Variants in PIK3R6 observed in about 807,000 individuals in gnomAD.
The protein encoded by PIK3R6 is phosphoinositide 3-kinase regulatory subunit 6.
In PIK3R6, 91 loss-of-function variants were observed where a neutral mutation model predicts 84.9. The observed-to-expected ratio is 1.07, with a 90% CI of 0.90 to 1.28. PIK3R6 has a LOEUF of 1.28. Among genes scored for constraint, PIK3R6 ranks in the 50% most tolerant of loss-of-function variants. The probability of loss-of-function intolerance (pLI) is 0.00; values close to 1 mark genes in which losing one functional copy is unlikely to be tolerated. For synonymous variants in PIK3R6, 416 were observed against 411.4 expected (o/e 1.01, Z -0.13); for missense variants, 996 against 985.1 (o/e 1.01, Z -0.15).
At chr17:8,806,729 C>T (rs529748894) in intron 18 of PIK3R6, among the ~76,000 whole-genome samples, 3 of 152,310 alleles carry the variant, frequency 2.0e-5, no homozygotes, top group Admixed American at 6.5e-5. Context: ...CTTTATTTCC[C>T]ACTTCTGTTC....
chr17:8,834,272 G>GT (rs1183886239), intron 8 of PIK3R6, among the ~76,000 whole-genome samples: 1 of 152,010 alleles, frequency 6.6e-6, no homozygotes, highest in East Asian at 1.9e-4. Context: ...GCATGTGCAT[G>GT]TTGGGAGACA....
intron 1 of PIK3R6, among the ~76,000 whole-genome samples, chr17:8,856,585 G>C (rs1373321795): frequency 6.6e-6 from 1 of 152,188 alleles, no homozygotes; most frequent in Non-Finnish European, 1.5e-5. Flanking sequence ...CTGGGTGAAA[G>C]AGTGAAACTC....
At position 8,858,923 on chromosome 17, in the gene PIK3R6, G is replaced by C. The variant is rs754217603; in HGVS notation, c.-92+8606C>G. ...TTGCTGTAATTTGTCTACTCAGAGG[G>C]GTGCCTCTTTCTGATTTGAACAAAG... On this transcript the variant is annotated intron_variant, in intron 1 of 19. Coordinates refer to ENST00000619866, the MANE Select transcript of PIK3R6 (RefSeq NM_001010855.4). Among the ~76,000 whole-genome samples the C allele has an allele frequency of 6.2e-4, 95 of 152,182 alleles. 2 individuals carry two copies. The highest frequency in any genetic ancestry group is 1.8e-4 in the Non-Finnish European group (12 of 68,044).
intron 18 of PIK3R6, among the ~76,000 whole-genome samples, chr17:8,814,461 G>T (rs558179438): frequency 6.6e-6 from 1 of 151,820 alleles, no homozygotes; most frequent in Admixed American, 6.6e-5. Flanking sequence ...CTCGTGATCC[G>T]CCCTCCTCTG....
At chr17:8,837,752 C>T in intron 5 of PIK3R6, 51 bp downstream of exon 5, 1 of 1,505,012 alleles carries the variant, frequency 6.6e-7, no homozygotes. Flanking sequence ...AGTGTCCAGC[C>T]CAGCCACATG....
At chr17:8,853,498 AATAAT>A (rs2089037187) in intron 1 of PIK3R6, among the ~76,000 whole-genome samples, 1 of 137,340 alleles carries the variant, frequency 7.3e-6, no homozygotes, top group Non-Finnish European at 1.6e-5. Context: ...AAAAAAAAAA[AATAAT>A]AATAATAATA....
chr17:8,863,408 A>G (rs2089326178), intron 1 of PIK3R6, among the ~76,000 whole-genome samples: 1 of 152,152 alleles, frequency 6.6e-6, no homozygotes, highest in Non-Finnish European at 1.5e-5. Context: ...GAAATATACA[A>G]TACACCATTA....
chr17:8,822,428 C>T (rs1385870141), intron 16 of PIK3R6, among the ~76,000 whole-genome samples, 159 bp downstream of exon 16: 1 of 152,168 alleles, frequency 6.6e-6, no homozygotes, highest in Non-Finnish European at 1.5e-5. Flanking sequence ...CCCACCCATC[C>T]CTGCAAAACT....
intron 4 of PIK3R6, 91 bp from the exon 5 acceptor site, chr17:8,837,962 A>G: frequency 8.8e-7 from 1 of 1,140,656 alleles, no homozygotes; most frequent in East Asian, 2.4e-5. Flanking sequence ...TGGGCAGGAG[A>G]TGGGGTGGAA....
At position 8,812,195 on chromosome 17, in the gene PIK3R6, C is replaced by T. The variant is rs111680804; in HGVS notation, c.1995+6888G>A. Among the ~76,000 whole-genome samples, 219 of 152,264 alleles carry T rather than the reference C, an allele frequency of 1.4e-3. 2 individuals carry two copies. The highest frequency in any genetic ancestry group is 5.0e-3 in the African/African-American group (209 of 41,550). ...AAGAACAGCACAGGAAAGACCTACC[C>T]CCATGATTCAATTACCTCCAACTGG... On this transcript the variant is annotated intron_variant, in intron 18 of 19. Coordinates refer to ENST00000619866, the MANE Select transcript of PIK3R6 (RefSeq NM_001010855.4).
intron 2 of PIK3R6, among the ~76,000 whole-genome samples, chr17:8,843,928 C>G (rs1337894630): frequency 3.9e-5 from 6 of 152,046 alleles, no homozygotes; most frequent in Admixed American, 2.0e-4. Context: ...GCCAATCAAG[C>G]TGGATTGTCT....
intron 17 of PIK3R6, among the ~76,000 whole-genome samples, chr17:8,819,586 A>G (rs867108332): frequency 1.3e-5 from 2 of 151,622 alleles, no homozygotes; most frequent in Non-Finnish European, 2.9e-5. Flanking sequence ...TGTGCAGGAC[A>G]GAGGCTCCAA....
In PIK3R6 at chr17:8,839,143, T is replaced by C. The variant is rs1464189463; in HGVS notation, c.97+471A>G. Among the ~76,000 whole-genome samples, 1 of 151,402 alleles carries C rather than the reference T, an allele frequency of 6.6e-6. No individual in the cohort carries two copies. Among genetic ancestry groups the C allele is most frequent in the Non-Finnish European group, 1.5e-5 (1 of 67,842 alleles). ...CAGGCGGGTCACTTGCGGTCAGGAG[T>C]TCGAGACCAACCTGGCCAACATGGT... On this transcript the variant is annotated intron_variant, in intron 3 of 19. Transcript: ENST00000619866. The surrounding 1 kb of genome is among the most constrained non-coding windows in gnomAD (Gnocchi z 4.2).
Position 8,838,653 on chromosome 17 carries a change from T to G in PIK3R6, c.100A>C (p.Met34Leu), listed in dbSNP as rs777558422. 12 of 1,597,616 alleles carry G rather than the reference T, an allele frequency of 7.5e-6. No individual in the cohort carries two copies. The highest frequency in any genetic ancestry group is 6.9e-5 in the Admixed American group (4 of 57,654). ...TTCTTGTGCAGGGACCACCTCCACA[T>G]GCCTGGGCCAGGAGAAAGGGGAGCC... ...QAPALQSNQG[M>L]WRWSLHKKVE... Residue 34 changes from methionine to leucine, a missense_variant and splice_region_variant, in exon 4 of 20, where the codon ATG becomes CTG. Met to Leu is a conservative substitution (Grantham distance 15). Transcript: ENST00000619866.
chr17:8,820,369 G>A (rs745998218), intron 17 of PIK3R6, among the ~76,000 whole-genome samples: 6 of 151,572 alleles, frequency 4.0e-5, no homozygotes, highest in Admixed American at 6.6e-5. Flanking sequence ...AACATTTATC[G>A]TTTACTCTAT....
rs769593463 is a variant in PIK3R6, at chr17:8,804,109, G to T, written c.2040C>A (p.Ser680Arg). The change falls in exon 19 of 20, where the codon AGC becomes AGA. Residue 680 changes from serine (S) to arginine (R), a missense_variant. Physicochemically the swap from Ser to Arg is moderately radical, Grantham distance 110 (BLOSUM62 -1). Transcript: ENST00000619866. ...ACAGTGTCAGCAGCCTCTGGTCCCG[G>T]CTCTGGATCTGGATATTGTTCGTCC... ...TFRTNNIQIQSRDQRLLTLSL... is the reference protein window; with the variant it reads ...TFRTNNIQIQRRDQRLLTLSL... The T allele has an allele frequency of 2.5e-5, 40 of 1,613,874 alleles. No homozygotes were observed. Among genetic ancestry groups the T allele is most frequent in the Non-Finnish European group, 3.3e-5 (39 of 1,179,884 alleles).
rs1266122930 is a variant in PIK3R6 at position 8,844,887 on chromosome 17, A to G, written c.13+4895T>C. On this transcript the variant is annotated intron_variant, in intron 2 of 19. Transcript: ENST00000619866. This position sits in a 1 kb window ranked among gnomAD's most constrained non-coding sequence, Gnocchi z 4.5. ...CCATCTTTGTGTCCATGAGTACCCAAAGTTTAGCTCCCACCTATAAGTGAG... is the reference window on the plus strand; with the variant it reads ...CCATCTTTGTGTCCATGAGTACCCAGAGTTTAGCTCCCACCTATAAGTGAG... 2.6e-5 allele frequency among the ~76,000 whole-genome samples: 4 copies of G among 152,142 alleles called. No homozygotes were observed. In the East Asian group the frequency reaches 7.7e-4, roughly 29 times the overall value.
intron 12 of PIK3R6, among the ~76,000 whole-genome samples, chr17:8,827,701 G>C (rs1456397504): frequency 6.8e-6 from 1 of 146,398 alleles, no homozygotes; most frequent in Non-Finnish European, 1.5e-5. Context: ...GAAAGTGTGG[G>C]GTGTGTGTGT....
Position 8,835,310 on chromosome 17 carries a change from T to C in PIK3R6, c.608A>G (p.Glu203Gly), listed in dbSNP as rs2151264206. 1 of 1,593,888 alleles carries C rather than the reference T, an allele frequency of 6.3e-7. No individual in the cohort carries two copies. ...GTGCAGAGCGCCTGCGTGACAGGCC[T>C]CCCCCAGAGCCGCCTGCAGGGCGTG... ...VSHALQAALG[E>G]ACHAGALHRK... The change falls in exon 8 of 20, where the codon GAG becomes GGG. Residue 203 changes from glutamate to glycine, a missense_variant. Transcript: ENST00000619866.
Sources: allele counts gnomAD v4.1 joint callset (sites outside exome capture counted in the v4.1 genomes callset), GRCh38; gene constraint gnomAD v4.1.1; non-coding constraint Gnocchi (gnomAD v3.1); transcripts MANE v1.5; gene names NCBI Gene and HGNC (gene_info 2026-07-23, HGNC 2026-07-21).